PTPRK: variants seen among roughly 807,000 people sequenced by gnomAD.
The protein encoded by PTPRK is protein tyrosine phosphatase receptor type K, also known as receptor-type tyrosine-protein phosphatase kappa.
Under a neutral mutation model 178.0 loss-of-function variants are expected in PTPRK, and 75 were observed. The observed-to-expected ratio is 0.42, with a 90% CI of 0.35 to 0.51. The LOEUF is 0.51. PTPRK is among the 20% of genes least tolerant of loss of function. The pLI is 0.02. For synonymous variants in PTPRK, 637 were observed against 620.6 expected (o/e 1.03, Z -0.39); for missense variants, 1,441 against 1,797.8 (o/e 0.80, Z 3.59).
intron 6 of PTPRK, among the ~76,000 whole-genome samples, chr6:128,194,316 GACC>G (rs1804494678): frequency 1.3e-5 from 2 of 152,006 alleles, no homozygotes; most frequent in East Asian, 3.9e-4. Context: ...TCGATCTCCT[GACC>G]TCGTGATCCA....
intron 3 of PTPRK, among the ~76,000 whole-genome samples, chr6:128,305,616 G>C (rs370286574): frequency 6.6e-6 from 1 of 152,072 alleles, no homozygotes; most frequent in South Asian, 2.1e-4. Context: ...GGAAAGAAAG[G>C]CTATCCATGC....
Position 127,981,268 on chromosome 6 carries a change from G to A in PTPRK, c.3559C>T (p.Arg1187Ter). 1.9e-6 allele frequency: 3 copies of A among 1,613,596 alleles called. No individual in the cohort carries two copies. The highest frequency in any genetic ancestry group is 1.7e-6 in the Non-Finnish European group (2 of 1,179,780). ...EFQTLNSVTPRLQAEDCSIAC... is the reference protein window; with the variant it reads ...EFQTLNSVTP ...ATACTGCAGTCTTCAGCTTGTAGTC[G>A]AGGGGTGACTGAATTCAGAGTCTAA... Residue 1187 changes from arginine to a stop codon, truncating the protein, a stop_gained, in exon 25 of 30, where the codon CGA becomes TGA. Transcript: ENST00000368226. LOFTEE classifies it high-confidence loss of function.
At chr6:128,250,152 C>T (rs117679609) in intron 3 of PTPRK, among the ~76,000 whole-genome samples, 5,779 of 152,302 alleles carry the variant, frequency 0.038, 159 homozygotes, top group Middle Eastern at 0.065. Flanking sequence ...CTACATGTAA[C>T]TGTGAATCTA....
At chr6:128,261,349 A>G (rs935583906) in intron 3 of PTPRK, among the ~76,000 whole-genome samples, 2 of 152,218 alleles carry the variant, frequency 1.3e-5, no homozygotes, top group Non-Finnish European at 2.9e-5. Context: ...TAAAAACACT[A>G]TAACAAAAAA....
At chr6:128,494,613 G>A (rs984131800) in intron 1 of PTPRK, among the ~76,000 whole-genome samples, 1 of 152,108 alleles carries the variant, frequency 6.6e-6, no homozygotes, top group Non-Finnish European at 1.5e-5. Flanking sequence ...AACAACAAAA[G>A]GAGAAAAAAT....
chr6:128,184,609 C>T lies in PTPRK; in HGVS notation c.985G>A (p.Glu329Lys). Reference protein sequence around the residue: ...GDGPIILKEVEYRMTSGSWTE... With the variant: ...GDGPIILKEVKYRMTSGSWTE... ...CAGGATCCTGATGTCATTCGGTACTCTACTTCTTTCAGGATGATAGGACCA... is the reference window on the plus strand; with the variant it reads ...CAGGATCCTGATGTCATTCGGTACTTTACTTCTTTCAGGATGATAGGACCA... Residue 329 changes from glutamate (E) to lysine (K), a missense_variant, in exon 7 of 30, where the codon GAG becomes AAG. By Grantham distance (56) the Glu-to-Lys change is moderately conservative. Around this residue, in one of 4 missense-constraint regions of PTPRK, gnomAD observed 945 missense variants for 1,080.6 expected, o/e 0.87. Transcript: ENST00000368226. 1.9e-6 allele frequency: 3 copies of T among 1,614,022 alleles called. No individual in the cohort carries two copies. The highest frequency in any genetic ancestry group is 2.5e-6 in the Non-Finnish European group (3 of 1,179,952).
chr6:128,385,208 TA>T (rs1838527977), intron 2 of PTPRK, among the ~76,000 whole-genome samples: 1 of 151,758 alleles, frequency 6.6e-6, no homozygotes, highest in South Asian at 2.1e-4. Flanking sequence ...CCTTGCATGA[TA>T]AAACAACAAA....
chr6:128,048,132 C>T (rs1426475803), intron 13 of PTPRK, among the ~76,000 whole-genome samples: 13 of 152,150 alleles, frequency 8.5e-5, no homozygotes, highest in Admixed American at 7.2e-4. Flanking sequence ...ACATCTACGA[C>T]GCTAAACCAA....
At chr6:128,372,064 A>G (rs1836378374) in intron 2 of PTPRK, among the ~76,000 whole-genome samples, 1 of 152,210 alleles carries the variant, frequency 6.6e-6, no homozygotes, top group African/African-American at 2.4e-5. Flanking sequence ...TAGTTGACCT[A>G]TATGTGTCCA....
At chr6:128,082,322 T>C (rs368786676) in intron 10 of PTPRK, 115 bp downstream of exon 10, 33 of 960,086 alleles carry the variant, frequency 3.4e-5, no homozygotes, top group Middle Eastern at 2.2e-4. Context: ...CATAACTATA[T>C]TAAAGGTTCA....
intron 3 of PTPRK, among the ~76,000 whole-genome samples, chr6:128,289,955 A>G (rs1178217984): frequency 6.6e-6 from 1 of 152,154 alleles, no homozygotes; most frequent in East Asian, 1.9e-4. Flanking sequence ...ACATTTAGTA[A>G]CTTCAGGACA....
chr6:128,432,023 A>G (rs1442088103), intron 1 of PTPRK, among the ~76,000 whole-genome samples: 1 of 152,184 alleles, frequency 6.6e-6, no homozygotes, highest in Non-Finnish European at 1.5e-5. Flanking sequence ...AAGAGAAAGG[A>G]AGGAAGGAAG....
intron 7 of PTPRK, among the ~76,000 whole-genome samples, chr6:128,168,765 T>C (rs1395814161): frequency 1.3e-5 from 2 of 152,058 alleles, no homozygotes; most frequent in East Asian, 3.9e-4. Flanking sequence ...ATGAAACTGG[T>C]CCCTGGTGCC....
At chr6:128,345,144 T>C (rs767728995) in intron 2 of PTPRK, among the ~76,000 whole-genome samples, 1 of 152,044 alleles carries the variant, frequency 6.6e-6, no homozygotes, top group Non-Finnish European at 1.5e-5. Flanking sequence ...TTTCCACTTA[T>C]ATATCATACA....
chr6:128,400,140 T>C (rs1236801556), intron 1 of PTPRK, among the ~76,000 whole-genome samples: 1 of 152,086 alleles, frequency 6.6e-6, no homozygotes, highest in Non-Finnish European at 1.5e-5. Flanking sequence ...GAGACATATA[T>C]ATTAAAATAA....
intron 7 of PTPRK, among the ~76,000 whole-genome samples, chr6:128,137,691 A>G (rs1330028914): frequency 6.6e-6 from 1 of 152,084 alleles, no homozygotes; most frequent in Non-Finnish European, 1.5e-5. Context: ...TACTGAACCC[A>G]AACAGCATCC....
intron 2 of PTPRK, among the ~76,000 whole-genome samples, chr6:128,378,248 C>A (rs957809335): frequency 2.0e-5 from 3 of 151,982 alleles, no homozygotes; most frequent in Non-Finnish European, 1.5e-5. Context: ...CCTATTGAAC[C>A]AATCTTCCCA....
intron 2 of PTPRK, among the ~76,000 whole-genome samples, chr6:128,377,002 G>C (rs747190087): frequency 6.6e-6 from 1 of 152,048 alleles, no homozygotes; most frequent in Non-Finnish European, 1.5e-5. Flanking sequence ...CAAGTCAACA[G>C]GTCTCTAGGG....
chr6:128,464,638 C>CACATATATATATATATATATATAT (rs1164450520), intron 1 of PTPRK, among the ~76,000 whole-genome samples: 1 of 48,602 alleles, frequency 2.1e-5, no homozygotes, highest in Non-Finnish European at 3.5e-5. Context: ...TATATATACA[C>CACATATATATATATATATATATAT]ATATATATAT....
Sources: gnomAD v4.1 joint callset for allele counts (sites outside exome capture counted in the v4.1 genomes callset) on GRCh38, gnomAD v4.1.1 for gene constraint, gnomAD v4.1.1 regional missense constraint, MANE v1.5 for transcripts, NCBI Gene and HGNC (gene_info 2026-07-23, HGNC 2026-07-21) for gene names.